Variants in ULK4 observed in about 807,000 individuals in gnomAD.
ULK4 encodes the protein unc-51 like kinase 4.
A neutral mutation model predicts 160.6 loss-of-function variants in ULK4; 133 were observed. That is an observed-to-expected ratio of 0.83 (90% CI 0.72 to 0.96). ULK4 has a LOEUF of 0.96. Among genes scored for constraint, ULK4 ranks in the 40% least tolerant of loss-of-function variants. The pLI is 0.00. For synonymous variants in ULK4, 534 were observed against 539.8 expected (o/e 0.99, Z 0.15); for missense variants, 1,580 against 1,499.5 (o/e 1.05, Z -0.89).
chr3:41,697,414 A>C (rs1326875367), intron 27 of ULK4, among the ~76,000 whole-genome samples: 2 of 152,058 alleles, frequency 1.3e-5, no homozygotes, highest in African/African-American at 4.8e-5. Flanking sequence ...GATAAAAAAA[A>C]TTAATTAAAA....
chr3:41,901,781 C>T lies in ULK4; in HGVS notation c.1183-952G>A, dbSNP rs144051088. ...AGGCGTGAGCCACGCGCCTGACCAA[C>T]GGCTTTATTTTTCATTCACAGAATG... On this transcript the variant is annotated intron_variant, in intron 12 of 36. Transcript: ENST00000301831. 5.2e-3 allele frequency among the ~76,000 whole-genome samples: 795 copies of T among 152,128 alleles called. 7 individuals are homozygous for T. The highest frequency in any genetic ancestry group is 9.3e-3 in the Non-Finnish European group (633 of 67,978).
chr3:41,560,160 A>C (rs150023032), intron 32 of ULK4, among the ~76,000 whole-genome samples: 1 of 152,198 alleles, frequency 6.6e-6, no homozygotes, highest in South Asian at 2.1e-4. Context: ...TTTGTCAAAG[A>C]TCAGATGGTT....
At chr3:41,612,593 A>G (rs1299907957) in intron 31 of ULK4, among the ~76,000 whole-genome samples, 1 of 152,242 alleles carries the variant, frequency 6.6e-6, no homozygotes, top group Non-Finnish European at 1.5e-5. Flanking sequence ...ATACAAATTA[A>G]TTTCAATTGG....
intron 32 of ULK4, among the ~76,000 whole-genome samples, chr3:41,498,702 T>G (rs971472339): frequency 4.6e-5 from 7 of 151,972 alleles, no homozygotes; most frequent in African/African-American, 2.4e-5. Flanking sequence ...TTCACGCCAT[T>G]CTCCTGCCTC....
intron 35 of ULK4, among the ~76,000 whole-genome samples, chr3:41,270,628 T>C (rs1216300302): frequency 6.6e-6 from 1 of 152,204 alleles, no homozygotes; most frequent in Non-Finnish European, 1.5e-5. Context: ...CTAACAAGTA[T>C]TGAGTGCTTA....
chr3:41,844,979 T>C (rs2042031228), intron 17 of ULK4, among the ~76,000 whole-genome samples: 1 of 151,760 alleles, frequency 6.6e-6, no homozygotes, highest in East Asian at 1.9e-4. Context: ...TTTTTTTTTT[T>C]TTTTGAGACG....
intron 32 of ULK4, among the ~76,000 whole-genome samples, chr3:41,522,136 T>TC (rs968945094): frequency 1.3e-5 from 2 of 150,782 alleles, no homozygotes; most frequent in African/African-American, 4.9e-5. Context: ...TTTCTTTTTT[T>TC]TTTTTTTTGA....
intron 35 of ULK4, among the ~76,000 whole-genome samples, chr3:41,305,377 C>A (rs998956932): frequency 6.6e-6 from 1 of 152,310 alleles, no homozygotes; most frequent in South Asian, 2.1e-4. Context: ...ATTGCAGGCT[C>A]GAGCCGCCAC....
At chr3:41,882,204 A>T in intron 17 of ULK4, 1 of 703,046 alleles carries the variant, frequency 1.4e-6, no homozygotes, top group Non-Finnish European at 2.6e-6. Context: ...CTATACATAC[A>T]CAAGGCACTG....
At chr3:41,571,771 T>C (rs2087982717) in intron 31 of ULK4, among the ~76,000 whole-genome samples, 1 of 152,260 alleles carries the variant, frequency 6.6e-6, no homozygotes, top group Middle Eastern at 3.4e-3. Flanking sequence ...GAAAGGGCAA[T>C]ACAGGGGATT....
chr3:41,693,297 T>C (rs2036373197), intron 27 of ULK4, among the ~76,000 whole-genome samples: 1 of 152,200 alleles, frequency 6.6e-6, no homozygotes, highest in African/African-American at 2.4e-5. Flanking sequence ...GTGCATTTAC[T>C]CTTTGATCCC....
At chr3:41,412,726 A>C (rs1436044699) in intron 34 of ULK4, among the ~76,000 whole-genome samples, 1 of 151,664 alleles carries the variant, frequency 6.6e-6, no homozygotes, top group Non-Finnish European at 1.5e-5. Context: ...AGCCCAGCTA[A>C]TTTGTTGTAT....
At chr3:41,539,727 G>A (rs757551127) in intron 32 of ULK4, among the ~76,000 whole-genome samples, 19 of 152,122 alleles carry the variant, frequency 1.2e-4, no homozygotes, top group Non-Finnish European at 2.5e-4. Context: ...CAAAACTTCA[G>A]TAGCTACTTA....
At chr3:41,581,892 G>C (rs1459080320) in intron 31 of ULK4, among the ~76,000 whole-genome samples, 2 of 152,188 alleles carry the variant, frequency 1.3e-5, no homozygotes, top group Non-Finnish European at 2.9e-5. Context: ...GACTGTGGCT[G>C]CACAGATGAG....
intron 32 of ULK4, among the ~76,000 whole-genome samples, chr3:41,540,196 C>T (rs997517771): frequency 2.6e-5 from 4 of 152,042 alleles, no homozygotes; most frequent in African/African-American, 9.7e-5. Flanking sequence ...TCTCCTAATG[C>T]TCTCCCTCCC....
intron 34 of ULK4, among the ~76,000 whole-genome samples, chr3:41,448,029 A>G (rs1397435094): frequency 6.6e-6 from 1 of 152,232 alleles, no homozygotes; most frequent in Non-Finnish European, 1.5e-5. Flanking sequence ...ATGTCTTACC[A>G]GACTTAGTCT....
intron 35 of ULK4, among the ~76,000 whole-genome samples, chr3:41,383,673 A>T (rs944840019): frequency 2.6e-5 from 4 of 152,180 alleles, no homozygotes; most frequent in African/African-American, 9.7e-5. Flanking sequence ...TTGAATAAAT[A>T]AATGATCCCT....
At position 41,931,891 on chromosome 3, in the gene ULK4, T is replaced by C. The variant is rs766812553; in HGVS notation, c.494A>G (p.Asp165Gly). The C allele has an allele frequency of 2.5e-6, 4 of 1,614,022 alleles. No homozygotes were observed. Among genetic ancestry groups the C allele is most frequent in the South Asian group, 2.2e-5 (2 of 91,080 alleles). The change falls in exon 5 of 37, where the codon GAT (aspartate) becomes GGT (glycine). Residue 165 changes from aspartate to glycine, a missense_variant. By Grantham distance (94) the Asp-to-Gly change is moderately conservative. Coordinates refer to ENST00000301831, the MANE Select transcript of ULK4 (RefSeq NM_017886.4). ...TTTCTTCAGGACATTTTCCCCATTATCACCTCCTCCTTCCTCTGCTGCCAC... is the reference window on the plus strand; with the variant it reads ...TTTCTTCAGGACATTTTCCCCATTACCACCTCCTCCTTCCTCTGCTGCCAC... Reference protein sequence around the residue: ...ALVAAEEGGGDNGENVLKKSM... With the variant: ...ALVAAEEGGGGNGENVLKKSM...
intron 35 of ULK4, among the ~76,000 whole-genome samples, chr3:41,395,308 G>C (rs2082034751): frequency 6.6e-6 from 1 of 151,744 alleles, no homozygotes; most frequent in Non-Finnish European, 1.5e-5. Flanking sequence ...AACTTCATGA[G>C]CCAATCCTAA....
Sources: gnomAD v4.1 joint callset for allele counts (sites outside exome capture counted in the v4.1 genomes callset) on GRCh38, gnomAD v4.1.1 for gene constraint, MANE v1.5 for transcripts, NCBI Gene and HGNC (gene_info 2026-07-23, HGNC 2026-07-21) for gene names.